Variants in SLC30A9 observed in about 807,000 individuals in gnomAD.
SLC30A9 encodes solute carrier family 30 member 9.
Under a neutral mutation model 87.5 loss-of-function variants are expected in SLC30A9, and 58 were observed. That is an observed-to-expected ratio of 0.66 (90% CI 0.54 to 0.82). SLC30A9 has a LOEUF of 0.82. Among genes scored for constraint, SLC30A9 ranks in the 40% least tolerant of loss-of-function variants. The pLI is 0.00. For synonymous variants in SLC30A9, 234 were observed against 233.0 expected, an observed-to-expected ratio of 1.00 and a Z score of -0.04; for missense variants, 557 against 679.1, an observed-to-expected ratio of 0.82 and a Z score of 2.00.
intron 2 of SLC30A9, among the ~76,000 whole-genome samples, chr4:42,010,173 A>G (rs1281759747): frequency 6.6e-6 from 1 of 152,182 alleles, no homozygotes; most frequent in African/African-American, 2.4e-5. Flanking sequence ...TGCTTTAGGT[A>G]TCAAAACGTA....
chr4:42,001,976 CTATCTACT>C (rs964563728), intron 2 of SLC30A9, among the ~76,000 whole-genome samples, 196 bp downstream of exon 2: 7 of 151,786 alleles, frequency 4.6e-5, no homozygotes, highest in African/African-American at 1.4e-4. Flanking sequence ...CTACGAAAAA[CTATCTACT>C]TATCTACTTA....
At chr4:42,018,946 T>A (rs1345210789) in intron 3 of SLC30A9, among the ~76,000 whole-genome samples, 1 of 151,772 alleles carries the variant, frequency 6.6e-6, no homozygotes, top group Admixed American at 6.6e-5. Context: ...AAAAATTTTT[T>A]AAAAATTTAA....
At chr4:42,009,835 T>C (rs1227525637) in intron 2 of SLC30A9, among the ~76,000 whole-genome samples, 2 of 152,214 alleles carry the variant, frequency 1.3e-5, no homozygotes, top group Non-Finnish European at 1.5e-5. Flanking sequence ...TCTGAAACTT[T>C]TGACAGTAGA....
intron 15 of SLC30A9, among the ~76,000 whole-genome samples, chr4:42,072,489 CT>C (rs1267495262): frequency 6.6e-6 from 1 of 151,852 alleles, no homozygotes; most frequent in Non-Finnish European, 1.5e-5. Context: ...TTTCTAATTT[CT>C]TTTTTTATTC....
chr4:42,073,423 C>T (rs192039510), intron 15 of SLC30A9, among the ~76,000 whole-genome samples: 1 of 152,230 alleles, frequency 6.6e-6, no homozygotes, highest in Admixed American at 6.5e-5. Context: ...CGTTAGTAAT[C>T]CAGAAAATTC....
At chr4:42,052,863 A>G (rs7659193) in intron 9 of SLC30A9, among the ~76,000 whole-genome samples, 38,101 of 152,196 alleles carry the variant, frequency 0.25, 7,022 homozygotes, top group African/African-American at 0.53. Flanking sequence ...ATCATAAAAT[A>G]AGATTTACAA....
chr4:42,080,111 A>C (rs1202602726), intron 17 of SLC30A9, among the ~76,000 whole-genome samples: 1 of 152,190 alleles, frequency 6.6e-6, no homozygotes, highest in Non-Finnish European at 1.5e-5. Flanking sequence ...AACTGTTCCT[A>C]TAGCCTTTTG....
intron 11 of SLC30A9, among the ~76,000 whole-genome samples, chr4:42,063,353 C>A (rs1717942597): frequency 6.6e-6 from 1 of 152,104 alleles, no homozygotes; most frequent in Non-Finnish European, 1.5e-5. Flanking sequence ...ATTATCAAGC[C>A]CTGCTCCTTG....
rs1321427832 is a variant in SLC30A9, at chr4:42,063,168, G to C, written c.1032+47G>C. 1.8e-5 allele frequency: 29 copies of C among 1,573,688 alleles called. No individual in the cohort carries two copies. The South Asian group carries it at 2.7e-4, about 15-fold the overall frequency. On this transcript the variant is annotated intron_variant, in intron 11 of 17. Transcript: ENST00000264451. ...CAGTTTTGATGTCTTATGACATAGT[G>C]ATTGTGTACAGTAGAAGGCCTTTGT...
chr4:42,021,204 G>A (rs1432919861), intron 4 of SLC30A9, among the ~76,000 whole-genome samples: 1 of 151,984 alleles, frequency 6.6e-6, no homozygotes, highest in Non-Finnish European at 1.5e-5. Flanking sequence ...TATTGATTTA[G>A]TTCTGACACA....
intron 17 of SLC30A9, 148 bp from the exon 18 acceptor site, chr4:42,085,933 CT>C (rs1560564741): frequency 1.5e-5 from 4 of 267,360 alleles, no homozygotes. Context: ...ATTGATCTTA[CT>C]TTTTTTCTTA....
rs527365570 is a variant in SLC30A9 at position 42,087,604 on chromosome 4, T to G, written c.*1478T>G. The G allele has an allele frequency of 3.3e-5, 5 of 151,876 alleles. No homozygotes were observed. The highest frequency in any genetic ancestry group is 1.3e-4 in the Admixed American group (2 of 15,256). The allele number at this position is 151,876 out of a possible 1,614,324, so 9.4% of individuals were successfully genotyped here. On this transcript the variant is annotated 3_prime_UTR_variant, in exon 18 of 18. Coordinates refer to ENST00000264451, the MANE Select transcript of SLC30A9 (RefSeq NM_006345.4). Reference sequence around the variant, plus strand: ...ACGTTGGTGTATTTTTCTTTTTTTTTTTTTTACTATTACAGAGTATTTTGC... The same window carrying G: ...ACGTTGGTGTATTTTTCTTTTTTTTGTTTTTACTATTACAGAGTATTTTGC...
intron 6 of SLC30A9, among the ~76,000 whole-genome samples, chr4:42,034,559 A>G (rs1041590455): frequency 6.6e-6 from 1 of 152,184 alleles, no homozygotes; most frequent in Non-Finnish European, 1.5e-5. Context: ...TTCACTTAGC[A>G]TAGTGTCGTC....
At chr4:42,001,987 T>C (rs566997213) in intron 2 of SLC30A9, among the ~76,000 whole-genome samples, 3 of 152,202 alleles carry the variant, frequency 2.0e-5, no homozygotes, top group South Asian at 2.1e-4. Context: ...TATCTACTTA[T>C]CTACTTAAAC....
chr4:42,054,926 C>G (rs1292353723), intron 9 of SLC30A9, among the ~76,000 whole-genome samples: 1 of 152,174 alleles, frequency 6.6e-6, no homozygotes, highest in Non-Finnish European at 1.5e-5. Context: ...TTGGAATTTA[C>G]TTCAAAATAT....
chr4:42,049,344 C>A, intron 8 of SLC30A9, 33 bp from the exon 9 acceptor site: 1 of 1,440,310 alleles, frequency 6.9e-7, no homozygotes. Context: ...TTTGTCCAAA[C>A]CTATGCTAAA....
intron 6 of SLC30A9, among the ~76,000 whole-genome samples, chr4:42,026,233 A>G (rs1309266303): frequency 6.6e-6 from 1 of 152,242 alleles, no homozygotes; most frequent in Non-Finnish European, 1.5e-5. Flanking sequence ...AGTCCTGGAA[A>G]TTCTGGTGTA....
At chr4:42,048,579 T>A (rs2153138369) in intron 8 of SLC30A9, among the ~76,000 whole-genome samples, 1 of 97,068 alleles carries the variant, frequency 1.0e-5, no homozygotes, top group East Asian at 6.4e-4. Flanking sequence ...GCAGCTAGTT[T>A]CCTCAGAGTT....
chr4:42,012,869 A>G (rs761185057), intron 2 of SLC30A9, among the ~76,000 whole-genome samples: 6 of 152,212 alleles, frequency 3.9e-5, no homozygotes, highest in Non-Finnish European at 8.8e-5. Flanking sequence ...AATATCCAAG[A>G]GACAACAAAG....
Sources: allele counts gnomAD v4.1 joint callset (sites outside exome capture counted in the v4.1 genomes callset), GRCh38; gene constraint gnomAD v4.1.1; transcripts MANE v1.5; gene names NCBI Gene and HGNC (gene_info 2026-07-23, HGNC 2026-07-21).